The following TTLL11 variants were observed in gnomAD, a reference collection of about 807,000 sequenced individuals.
The protein encoded by TTLL11 is tubulin tyrosine ligase like 11, also known as tubulin polyglutamylase TTLL11.
In TTLL11, 42 loss-of-function variants were observed where a neutral mutation model predicts 51.7. That is an observed-to-expected ratio of 0.81 (90% CI 0.64 to 1.05). The LOEUF is 1.05. Among genes scored for constraint, TTLL11 ranks in the 50% least tolerant of loss-of-function variants. The pLI is 0.00. For synonymous variants in TTLL11, 381 were observed against 383.5 expected (o/e 0.99, Z 0.08); for missense variants, 799 against 940.4 (o/e 0.85, Z 1.97).
At chr9:121,859,500 G>A (rs914850181) in intron 8 of TTLL11, among the ~76,000 whole-genome samples, 11 of 152,018 alleles carry the variant, frequency 7.2e-5, no homozygotes, top group South Asian at 4.1e-4. Flanking sequence ...GTGAGACTCC[G>A]TCTCAAAGAC....
intron 6 of TTLL11, among the ~76,000 whole-genome samples, chr9:121,912,575 C>T (rs535579882): frequency 6.6e-6 from 1 of 152,054 alleles, no homozygotes; most frequent in South Asian, 2.1e-4. Context: ...CCTTCTATAC[C>T]TTATATACAC....
chr9:121,833,476 G>A (rs974553489), intron 8 of TTLL11, among the ~76,000 whole-genome samples: 3 of 152,196 alleles, frequency 2.0e-5, no homozygotes, highest in Non-Finnish European at 2.9e-5. Context: ...TTAAGGATGG[G>A]AACAAGAATC....
intron 4 of TTLL11, among the ~76,000 whole-genome samples, chr9:121,976,904 C>T (rs1403587102): frequency 6.6e-6 from 1 of 152,166 alleles, no homozygotes; most frequent in Non-Finnish European, 1.5e-5. Flanking sequence ...CTTTTAGAGA[C>T]TCTGGTGACA....
intron 1 of TTLL11, among the ~76,000 whole-genome samples, chr9:122,078,053 AC>A (rs1348349336): frequency 6.6e-6 from 1 of 152,214 alleles, no homozygotes; most frequent in East Asian, 1.9e-4. Flanking sequence ...TTTTTTAAAT[AC>A]TGCATAATAA....
At chr9:121,895,811 TTG>T (rs1362185667) in intron 6 of TTLL11, among the ~76,000 whole-genome samples, 2 of 2,648 alleles carry the variant, frequency 7.6e-4, no homozygotes, top group South Asian at 0.018. Flanking sequence ...TGCGGGTGTT[TTG>T]TGTGTTTGTG....
At chr9:121,980,116 A>T (rs1842796440) in intron 4 of TTLL11, among the ~76,000 whole-genome samples, 1 of 152,112 alleles carries the variant, frequency 6.6e-6, no homozygotes, top group Non-Finnish European at 1.5e-5. Context: ...CAAGGTAAGA[A>T]CACAGAGTGT....
intron 6 of TTLL11, among the ~76,000 whole-genome samples, chr9:121,904,631 C>T (rs1249677523): frequency 1.3e-5 from 2 of 152,208 alleles, no homozygotes; most frequent in African/African-American, 4.8e-5. Context: ...ATAAGAGAAA[C>T]CTCAGGCTCT....
chr9:121,833,187 C>G (rs1397864912), intron 8 of TTLL11, among the ~76,000 whole-genome samples: 1 of 152,154 alleles, frequency 6.6e-6, no homozygotes, highest in Non-Finnish European at 1.5e-5. Flanking sequence ...TTCTAAACTT[C>G]ATTTGGGTTG....
chr9:122,052,702 T>C (rs1175140014), intron 1 of TTLL11, among the ~76,000 whole-genome samples: 1 of 152,156 alleles, frequency 6.6e-6, no homozygotes, highest in Non-Finnish European at 1.5e-5. Context: ...AGCCTAAGTT[T>C]AAATGTGCAC....
At chr9:121,880,011 A>AT (rs1838722983) in intron 6 of TTLL11, among the ~76,000 whole-genome samples, 1 of 152,178 alleles carries the variant, frequency 6.6e-6, no homozygotes, top group African/African-American at 2.4e-5. Context: ...GAAGAAAAAA[A>AT]ATGACACAGC....
chr9:121,967,469 C>A (rs928515875), intron 6 of TTLL11, among the ~76,000 whole-genome samples: 2 of 152,042 alleles, frequency 1.3e-5, no homozygotes, highest in Admixed American at 1.3e-4. Flanking sequence ...GTGATCCACC[C>A]GCTTCGGCCT....
At chr9:121,910,036 A>G (rs1325441873) in intron 6 of TTLL11, among the ~76,000 whole-genome samples, 2 of 152,184 alleles carry the variant, frequency 1.3e-5, no homozygotes, top group Non-Finnish European at 2.9e-5. Context: ...GCAATAATGT[A>G]AGGTATGTAG....
intron 4 of TTLL11, 32 bp from the exon 5 acceptor site, chr9:121,975,011 G>C: frequency 2.8e-6 from 4 of 1,446,910 alleles, no homozygotes; most frequent in East Asian, 2.5e-5. Context: ...CAGAATTACT[G>C]TCTCTATTGA....
At position 122,093,276 on chromosome 9, in the gene TTLL11, T is replaced by G. The variant is rs780333139; in HGVS notation, c.-128A>C. ...CGTTCCCCGCCCGAGCCCGTTGCCA[T>G]GATCGCTCAGGCTCGGGTTGACAGC... On this transcript the variant is annotated 5_prime_UTR_variant, in exon 1 of 9. The change abolishes an upstream ATG in the 5' untranslated region. Transcript: ENST00000321582. 19 of 1,556,082 alleles carry G rather than the reference T, an allele frequency of 1.2e-5. No homozygotes were observed. Among genetic ancestry groups the G allele is most frequent in the Non-Finnish European group, 1.5e-5 (18 of 1,161,586 alleles).
intron 3 of TTLL11, among the ~76,000 whole-genome samples, chr9:121,993,212 T>C (rs554472942): frequency 6.6e-6 from 1 of 152,230 alleles, no homozygotes; most frequent in Non-Finnish European, 1.5e-5. Flanking sequence ...ATGATAGTTG[T>C]ACAAAAATGT....
At chr9:122,071,059 C>T (rs972920180) in intron 1 of TTLL11, among the ~76,000 whole-genome samples, 1 of 152,118 alleles carries the variant, frequency 6.6e-6, no homozygotes, top group Non-Finnish European at 1.5e-5. Flanking sequence ...ACAGCACAGT[C>T]TCTGCTTGTC....
At chr9:121,919,480 C>T (rs1287008821) in intron 6 of TTLL11, among the ~76,000 whole-genome samples, 36 of 152,160 alleles carry the variant, frequency 2.4e-4, no homozygotes, top group Admixed American at 2.0e-3. Flanking sequence ...AGAGGCATAA[C>T]GCTTCAAGGG....
chr9:121,976,417 C>A (rs1300074530), intron 4 of TTLL11, among the ~76,000 whole-genome samples: 1 of 152,134 alleles, frequency 6.6e-6, no homozygotes, highest in Admixed American at 6.5e-5. Flanking sequence ...ATTCAGACGA[C>A]AAGGACTTTC....
intron 7 of TTLL11, among the ~76,000 whole-genome samples, chr9:121,862,692 G>A (rs1390987878): frequency 6.6e-6 from 1 of 152,248 alleles, no homozygotes; most frequent in East Asian, 1.9e-4. Context: ...TCCCAAGGCA[G>A]GCTAGATTTG....
Sources: allele counts gnomAD v4.1 joint callset (sites outside exome capture counted in the v4.1 genomes callset), GRCh38; gene constraint gnomAD v4.1.1; transcripts MANE v1.5; gene names NCBI Gene and HGNC (gene_info 2026-07-23, HGNC 2026-07-21).